MGLL: variants seen among roughly 807,000 people sequenced by gnomAD.
The protein encoded by MGLL is monoglyceride lipase.
Under a neutral mutation model 29.1 loss-of-function variants are expected in MGLL, and 7 were observed. That is an observed-to-expected ratio of 0.24 (90% CI 0.14 to 0.45). The LOEUF is 0.45. MGLL is among the 20% of genes least tolerant of loss of function. MGLL has a pLI of 0.99. For missense variants in MGLL, 356 were observed against 413.6 expected, an observed-to-expected ratio of 0.86 and a Z score of 1.21; for synonymous variants, 148 against 168.3, an observed-to-expected ratio of 0.88 and a Z score of 0.93.
In MGLL at chr3:127,794,519, A is replaced by G. The variant is rs900729955; in HGVS notation, c.156-12624T>C. Among the ~76,000 whole-genome samples, 93 of 152,012 alleles carry G rather than the reference A, an allele frequency of 6.1e-4. 1 individual carries two copies. The highest frequency in any genetic ancestry group is 2.2e-3 in the Admixed American group (33 of 15,260). ...CTTCTATGATGTAAGGCTGTCTTCTATGATGTAAGACTGTCTTCTGTGATG... is the reference window on the plus strand; with the variant it reads ...CTTCTATGATGTAAGGCTGTCTTCTGTGATGTAAGACTGTCTTCTGTGATG... On this transcript the variant is annotated intron_variant, in intron 2 of 7. Transcript: ENST00000265052.
chr3:127,786,012 T>C (rs2077206197), intron 2 of MGLL, among the ~76,000 whole-genome samples: 1 of 152,070 alleles, frequency 6.6e-6, no homozygotes, highest in South Asian at 2.1e-4. Context: ...GACACACAGG[T>C]GTGCCTACTC....
intron 6 of MGLL, among the ~76,000 whole-genome samples, chr3:127,697,836 G>A (rs771830651): frequency 2.6e-5 from 4 of 152,210 alleles, no homozygotes; most frequent in Admixed American, 1.3e-4. Context: ...GGTTCCAGCA[G>A]GCTGGCGGTG....
At chr3:127,800,961 G>C (rs1022269050) in intron 2 of MGLL, among the ~76,000 whole-genome samples, 1 of 151,700 alleles carries the variant, frequency 6.6e-6, no homozygotes, top group Non-Finnish European at 1.5e-5. Flanking sequence ...TTAGAAGTCA[G>C]AGAGAGTACG....
In MGLL at chr3:127,761,725, C is replaced by G. The variant is rs977307616; in HGVS notation, c.262+20064G>C. On this transcript the variant is annotated intron_variant, in intron 3 of 7. Coordinates refer to ENST00000265052, the MANE Select transcript of MGLL (RefSeq NM_007283.7). This position sits in a 1 kb window ranked among gnomAD's most constrained non-coding sequence, Gnocchi z 4.6. ...AGCTGGACTGCCACGCAGGCTGCCTCCCTCCTGGCACGTTCGGCTCCTCGC... is the reference window on the plus strand; with the variant it reads ...AGCTGGACTGCCACGCAGGCTGCCTGCCTCCTGGCACGTTCGGCTCCTCGC... 1.3e-5 allele frequency among the ~76,000 whole-genome samples: 2 copies of G among 152,246 alleles called. No individual in the cohort carries two copies. The highest frequency in any genetic ancestry group is 2.9e-5 in the Non-Finnish European group (2 of 68,040).
intron 2 of MGLL, among the ~76,000 whole-genome samples, chr3:127,800,219 T>G (rs1056806146): frequency 2.0e-5 from 3 of 152,210 alleles, no homozygotes; most frequent in African/African-American, 7.2e-5. Context: ...TGAATGGCCA[T>G]GTGGAGCCCA....
chr3:127,693,266 G>A (rs1559901144), intron 7 of MGLL, among the ~76,000 whole-genome samples: 1 of 152,118 alleles, frequency 6.6e-6, no homozygotes, highest in Non-Finnish European at 1.5e-5. Flanking sequence ...ACCCTGCCTG[G>A]CTTGACCTGC....
At chr3:127,812,810 G>A (rs1460700470) in intron 2 of MGLL, among the ~76,000 whole-genome samples, 4 of 152,198 alleles carry the variant, frequency 2.6e-5, no homozygotes, top group African/African-American at 9.6e-5. Flanking sequence ...TGAGAAAACT[G>A]CTGCAGTGAT....
intron 3 of MGLL, among the ~76,000 whole-genome samples, chr3:127,748,642 G>A (rs1007620777): frequency 2.6e-5 from 4 of 151,462 alleles, no homozygotes; most frequent in African/African-American, 4.9e-5. Context: ...GGGAGAAGAC[G>A]GCCACTTACA....
intron 3 of MGLL, among the ~76,000 whole-genome samples, chr3:127,755,430 C>T (rs2076645775): frequency 6.6e-6 from 1 of 152,178 alleles, no homozygotes; most frequent in Admixed American, 6.5e-5. Context: ...GCTGTAGGCC[C>T]CCAAACATGG....
chr3:127,726,759 A>G (rs1303616502), intron 3 of MGLL, among the ~76,000 whole-genome samples: 1 of 151,278 alleles, frequency 6.6e-6, no homozygotes, highest in African/African-American at 2.4e-5. Context: ...ATTCTTGCAA[A>G]CCTTCTGTGA....
At chr3:127,792,628 G>A (rs541279079) in intron 2 of MGLL, among the ~76,000 whole-genome samples, 5 of 152,226 alleles carry the variant, frequency 3.3e-5, no homozygotes, top group African/African-American at 4.8e-5. Context: ...ACTTGAACCC[G>A]GGAGGCGGAG....
At chr3:127,742,056 A>G (rs1357007002) in intron 3 of MGLL, among the ~76,000 whole-genome samples, 1 of 152,224 alleles carries the variant, frequency 6.6e-6, no homozygotes, top group Non-Finnish European at 1.5e-5. Flanking sequence ...TTCTCAAGAT[A>G]AACTTACCAA....
chr3:127,693,387 A>G (rs2075284788), intron 7 of MGLL, among the ~76,000 whole-genome samples: 1 of 152,204 alleles, frequency 6.6e-6, no homozygotes, highest in South Asian at 2.1e-4. Context: ...TTGGCTTGAA[A>G]TGCTCATGTG....
chr3:127,751,740 CA>C (rs143649010), intron 3 of MGLL, among the ~76,000 whole-genome samples: 3 of 148,704 alleles, frequency 2.0e-5, no homozygotes, highest in East Asian at 2.0e-4. Context: ...TGTACCTGGG[CA>C]AAAAAAAACC....
intron 2 of MGLL, among the ~76,000 whole-genome samples, chr3:127,783,143 CA>C (rs72041528): frequency 6.2e-3 from 398 of 63,914 alleles, no homozygotes; most frequent in African/African-American, 0.024. Flanking sequence ...GACTCTGTCT[CA>C]AAAAAAAAAA....
intron 2 of MGLL, among the ~76,000 whole-genome samples, chr3:127,809,592 C>T (rs2077625847): frequency 1.3e-5 from 2 of 151,798 alleles, no homozygotes; most frequent in African/African-American, 4.8e-5. Context: ...AGCCAACACA[C>T]TCTAGCCTGG....
chr3:127,762,917 C>A (rs2076791484), intron 3 of MGLL, among the ~76,000 whole-genome samples: 1 of 152,182 alleles, frequency 6.6e-6, no homozygotes, highest in Admixed American at 6.5e-5. Flanking sequence ...CAGGCCAGGT[C>A]TGTGTTTGTG....
At chr3:127,733,757 C>T (rs896102314) in intron 3 of MGLL, among the ~76,000 whole-genome samples, 2 of 152,228 alleles carry the variant, frequency 1.3e-5, no homozygotes, top group African/African-American at 4.8e-5. Flanking sequence ...AAGCTTCATC[C>T]ACCAACTCCA....
At chr3:127,820,735 CA>C (rs2077844142) in intron 2 of MGLL, among the ~76,000 whole-genome samples, 2 of 152,206 alleles carry the variant, frequency 1.3e-5, no homozygotes, top group African/African-American at 4.8e-5. Flanking sequence ...CTCTTCTCAG[CA>C]CGTTACCCAC....
Sources: allele counts gnomAD v4.1 joint callset (sites outside exome capture counted in the v4.1 genomes callset), GRCh38; gene constraint gnomAD v4.1.1; non-coding constraint Gnocchi (gnomAD v3.1); transcripts MANE v1.5; gene names NCBI Gene and HGNC (gene_info 2026-07-23, HGNC 2026-07-21).